Variants in MRPS27 observed in about 807,000 individuals in gnomAD.
MRPS27 encodes small ribosomal subunit protein mS27.
A neutral mutation model predicts 48.9 loss-of-function variants in MRPS27; 43 were observed. That is an observed-to-expected ratio of 0.88 (90% CI 0.69 to 1.13). The LOEUF is 1.13. Ranked by LOEUF, MRPS27 falls within the 50% of genes most tolerant of loss-of-function variation. MRPS27 has a pLI of 0.00. For synonymous variants in MRPS27, 188 were observed against 171.9 expected (o/e 1.09, Z -0.73); for missense variants, 467 against 476.3 (o/e 0.98, Z 0.18).
At chr5:72,294,105 T>TTTA (rs542369962) in intron 4 of MRPS27, among the ~76,000 whole-genome samples, 331 of 152,156 alleles carry the variant, frequency 2.2e-3, no homozygotes, top group African/African-American at 7.5e-3. Context: ...AAATAAATGT[T>TTTA]TTTTAAAGGT....
intron 9 of MRPS27, among the ~76,000 whole-genome samples, chr5:72,224,894 A>G (rs562348320): frequency 1.3e-5 from 2 of 152,346 alleles, no homozygotes; most frequent in East Asian, 3.9e-4. Context: ...AGAAACACCT[A>G]CCTGAAACGA....
At position 72,320,137 on chromosome 5, in the gene MRPS27, T is replaced by G; in HGVS notation, c.73+12A>C. ...AGAATAATCAGGGGCCTAATGAAGC[T>G]GTCCGGCCAACCTGCAGGAGAGAGC... On this transcript the variant is annotated intron_variant, in intron 1 of 10. Transcript: ENST00000261413. The G allele has an allele frequency of 6.2e-7, 1 of 1,613,060 alleles. No individual in the cohort carries two copies. Among genetic ancestry groups the G allele is most frequent in the South Asian group, 1.1e-5 (1 of 91,060 alleles).
chr5:72,255,880 C>A (rs894914850), intron 4 of MRPS27, among the ~76,000 whole-genome samples: 1 of 152,156 alleles, frequency 6.6e-6, no homozygotes, highest in Non-Finnish European at 1.5e-5. Flanking sequence ...CAACTTTGAA[C>A]CAACAACTGG....
At chr5:72,281,718 G>GT (rs1388604013) in intron 4 of MRPS27, among the ~76,000 whole-genome samples, 4 of 152,192 alleles carry the variant, frequency 2.6e-5, no homozygotes, top group Non-Finnish European at 5.9e-5. Context: ...GTGTAAGTGT[G>GT]TAAGTCTGTT....
chr5:72,260,053 C>T (rs962408302), intron 4 of MRPS27, among the ~76,000 whole-genome samples: 1 of 152,036 alleles, frequency 6.6e-6, no homozygotes, highest in Non-Finnish European at 1.5e-5. Context: ...TTATTGATGA[C>T]TAAAAAATCA....
chr5:72,242,923 C>T (rs1054345400), intron 4 of MRPS27, among the ~76,000 whole-genome samples: 1 of 152,216 alleles, frequency 6.6e-6, no homozygotes, highest in African/African-American at 2.4e-5. Context: ...CAGCTCACAG[C>T]TCCACCATTT....
intron 4 of MRPS27, among the ~76,000 whole-genome samples, chr5:72,269,202 G>A (rs1424296358): frequency 6.6e-6 from 1 of 152,174 alleles, no homozygotes; most frequent in East Asian, 1.9e-4. Flanking sequence ...TGTGTACTAA[G>A]GTACAAGGCT....
At chr5:72,248,370 C>G (rs1474021664) in intron 4 of MRPS27, among the ~76,000 whole-genome samples, 1 of 152,080 alleles carries the variant, frequency 6.6e-6, no homozygotes, top group Non-Finnish European at 1.5e-5. Context: ...AAACCAAATA[C>G]AAAGTTCCGG....
intron 7 of MRPS27, among the ~76,000 whole-genome samples, chr5:72,230,609 A>G (rs1484570221): frequency 1.3e-5 from 2 of 152,046 alleles, no homozygotes; most frequent in Admixed American, 6.5e-5. Flanking sequence ...TTTCTAGCTC[A>G]TTTGCAAACA....
intron 4 of MRPS27, among the ~76,000 whole-genome samples, chr5:72,271,528 G>A (rs758602310): frequency 3.3e-5 from 5 of 152,100 alleles, no homozygotes; most frequent in Non-Finnish European, 7.4e-5. Context: ...AATGGCCTAG[G>A]AATTGCTCTA....
At chr5:72,275,764 C>T (rs1224415869) in intron 4 of MRPS27, among the ~76,000 whole-genome samples, 2 of 152,182 alleles carry the variant, frequency 1.3e-5, no homozygotes, top group African/African-American at 4.8e-5. Context: ...TGTACCCTTT[C>T]CCCACTGGCC....
chr5:72,235,529 G>A (rs943034956), intron 5 of MRPS27, among the ~76,000 whole-genome samples: 1 of 152,132 alleles, frequency 6.6e-6, no homozygotes, highest in Non-Finnish European at 1.5e-5. Flanking sequence ...GTCAACGTAA[G>A]TTCATCAATT....
chr5:72,284,625 C>T lies in MRPS27; in HGVS notation c.281+10906G>A, dbSNP rs567562782. 7.9e-5 allele frequency among the ~76,000 whole-genome samples: 12 copies of T among 152,040 alleles called. No individual in the cohort carries two copies. The South Asian group carries it at 1.9e-3, about 24-fold the overall frequency. ...AATGAGAAGTCATCCAGGTTTCTTC[C>T]CTAAAAGAAACCAATGTTACCAGTT... On this transcript the variant is annotated intron_variant, in intron 4 of 10. Coordinates refer to ENST00000261413, the MANE Select transcript of MRPS27 (RefSeq NM_015084.3).
rs912246252 is a variant in MRPS27, at chr5:72,223,723, G to T, written c.965C>A (p.Thr322Lys). The T allele has an allele frequency of 6.2e-7, 1 of 1,614,022 alleles. No individual in the cohort carries two copies. Among genetic ancestry groups the T allele is most frequent in the Non-Finnish European group, 8.5e-7 (1 of 1,179,934 alleles). Reference sequence around the variant, plus strand: ...GTATTGAGGAAGCTTGGACTGCTCTGTTTCCTCGATGTCTAACTGCTCCAC... The same window carrying T: ...GTATTGAGGAAGCTTGGACTGCTCTTTTTCCTCGATGTCTAACTGCTCCAC... ...KLVEQLDIEE[T>K]EQSKLPQYLE... The change falls in exon 10 of 11, where the codon ACA becomes AAA. Residue 322 changes from threonine to lysine, a missense_variant. Transcript: ENST00000261413.
intron 4 of MRPS27, chr5:72,294,762 A>G (rs1215986436): frequency 6.6e-6 from 1 of 152,102 alleles, no homozygotes; most frequent in East Asian, 1.9e-4. Context: ...ATAGGTACAT[A>G]ACAGTTCACA....
intron 4 of MRPS27, among the ~76,000 whole-genome samples, chr5:72,270,098 C>T (rs1298207482): frequency 6.6e-6 from 1 of 151,116 alleles, no homozygotes; most frequent in Non-Finnish European, 1.5e-5. Context: ...GAGGCTGAGG[C>T]GGGAGAATCT....
Position 72,221,119 on chromosome 5 carries a change from G to T in MRPS27, c.1035C>A (p.Gly345=). The change falls in exon 11 of 11, where the codon GGC becomes GGA. Residue 345 remains glycine (G), a synonymous_variant. Transcript: ENST00000261413. ...TTAAAAGACCTTCTGACTCAATTTTGCCCAGAGCTTGAAGCTTAGAATGTA... is the reference window on the plus strand; with the variant it reads ...TTAAAAGACCTTCTGACTCAATTTTTCCCAGAGCTTGAAGCTTAGAATGTA... ...KALHSKLQAL[G]KIESEGLLSL... is the part of the protein sequence containing the mutation. 3 of 1,614,070 alleles carry T rather than the reference G, an allele frequency of 1.9e-6. No individual in the cohort carries two copies. The highest frequency in any genetic ancestry group is 2.5e-6 in the Non-Finnish European group (3 of 1,179,976).
intron 1 of MRPS27, among the ~76,000 whole-genome samples, chr5:72,318,655 G>A (rs1224916414): frequency 6.6e-6 from 1 of 152,210 alleles, no homozygotes; most frequent in African/African-American, 2.4e-5. Flanking sequence ...TTAGCCGGGA[G>A]TGGTGGCGCA....
intron 4 of MRPS27, among the ~76,000 whole-genome samples, chr5:72,282,598 A>G (rs73127275): frequency 0.013 from 1,999 of 152,278 alleles, 53 homozygotes; most frequent in African/African-American, 0.046. Flanking sequence ...TTAGGAGTTT[A>G]AGGTTTAATT....
Sources: gnomAD v4.1 joint callset for allele counts (sites outside exome capture counted in the v4.1 genomes callset) on GRCh38, gnomAD v4.1.1 for gene constraint, MANE v1.5 for transcripts, NCBI Gene and HGNC (gene_info 2026-07-23, HGNC 2026-07-21) for gene names.